The following RYR2 variants were observed in gnomAD, a reference collection of about 807,000 sequenced individuals.
RYR2 encodes the protein cardiac muscle ryanodine receptor-calcium release channel.
RYR2 carries 227 observed loss-of-function variants against 601.1 expected under a neutral mutation model. That is an observed-to-expected ratio of 0.38 (90% CI 0.34 to 0.42). The LOEUF (loss-of-function observed/expected upper bound fraction) is 0.42. RYR2 is among the 10% of genes least tolerant of loss of function. The pLI is 1.00. For synonymous variants in RYR2, 2,223 were observed against 2,175.1 expected, an observed-to-expected ratio of 1.02 and a Z score of -0.61; for missense variants, 4,646 against 6,156.5, an observed-to-expected ratio of 0.75 and a Z score of 8.21.
At chr1:237,639,483 T>G (rs1325788378) in intron 46 of RYR2, among the ~76,000 whole-genome samples, 1 of 152,038 alleles carries the variant, frequency 6.6e-6, no homozygotes, top group African/African-American at 2.4e-5. Flanking sequence ...TAGGGCAAGG[T>G]GGGTTGTTGT....
At chr1:237,145,103 A>G (rs1177239298) in intron 1 of RYR2, among the ~76,000 whole-genome samples, 5 of 152,098 alleles carry the variant, frequency 3.3e-5, no homozygotes, top group African/African-American at 1.2e-4. Context: ...ATAGCATTAG[A>G]AGAAATACCT....
At chr1:237,576,364 A>C (rs1196168089) in intron 29 of RYR2, among the ~76,000 whole-genome samples, 9 of 152,206 alleles carry the variant, frequency 5.9e-5, no homozygotes, top group Admixed American at 5.9e-4. Context: ...TTGTGAAGCT[A>C]TAGTCATTAA....
chr1:237,068,393 G>A (rs1385111974), intron 1 of RYR2, among the ~76,000 whole-genome samples: 2 of 152,076 alleles, frequency 1.3e-5, no homozygotes, highest in Non-Finnish European at 2.9e-5. Flanking sequence ...TTCTTGGCAT[G>A]GCTCAAGAAC....
intron 24 of RYR2, among the ~76,000 whole-genome samples, chr1:237,517,128 C>T (rs1666624962): frequency 6.6e-6 from 1 of 152,154 alleles, no homozygotes; most frequent in Non-Finnish European, 1.5e-5. Flanking sequence ...CCTTATGTTC[C>T]AGCCCTCATG....
intron 1 of RYR2, among the ~76,000 whole-genome samples, chr1:237,184,637 T>G (rs752257650): frequency 1.3e-5 from 2 of 152,180 alleles, no homozygotes; most frequent in Non-Finnish European, 2.9e-5. Flanking sequence ...GGACTTTAGC[T>G]ATACTGAAGT....
chr1:237,674,824 C>T lies in RYR2; in HGVS notation c.8808C>T (p.Ala2936=), dbSNP rs1213761983. 2 of 1,607,168 alleles carry T rather than the reference C, an allele frequency of 1.2e-6. No homozygotes were observed. Among genetic ancestry groups the T allele is most frequent in the South Asian group, 2.2e-5 (2 of 90,630 alleles). ...AACTCATTCGCTATGTGGATGAAGCCCATCAGTATATCCTGGAGTTTGGTA... is the reference window on the plus strand; with the variant it reads ...AACTCATTCGCTATGTGGATGAAGCTCATCAGTATATCCTGGAGTTTGGTA... ...LQQLIRYVDE[A]HQYILEFDGG... Residue 2936 remains alanine, a synonymous_variant, in exon 60 of 105, where the codon GCC becomes GCT. Transcript: ENST00000366574.
intron 1 of RYR2, among the ~76,000 whole-genome samples, chr1:237,244,792 C>G (rs986255246): frequency 1.6e-5 from 2 of 124,498 alleles, no homozygotes; most frequent in Admixed American, 8.9e-5. Flanking sequence ...CAATGAGCCC[C>G]GGGTATTTAC....
At position 237,808,905 on chromosome 1, in the gene RYR2, T is replaced by C; in HGVS notation, c.14303T>C (p.Val4768Ala). ...SSVTHNGKQL[V>A]LTVGLLAVVV... ...CCTTGTCACATTGTTTTCCAGCTCGTATTAACCGTTGGCTTATTAGCTGTT... is the reference window on the plus strand; with the variant it reads ...CCTTGTCACATTGTTTTCCAGCTCGCATTAACCGTTGGCTTATTAGCTGTT... The change falls in exon 100 of 105, where the codon GTA becomes GCA. Residue 4768 changes from valine to alanine, a missense_variant. By Grantham distance (64) the Val-to-Ala change is moderately conservative. Transcript: ENST00000366574. 1 of 1,613,708 alleles carries C rather than the reference T, an allele frequency of 6.2e-7. No individual in the cohort carries two copies. The highest frequency in any genetic ancestry group is 8.5e-7 in the Non-Finnish European group (1 of 1,179,684).
rs866850519 is a variant in RYR2 at position 237,716,354 on chromosome 1, T to G, written c.10324-844T>G. 9.9e-5 allele frequency among the ~76,000 whole-genome samples: 15 copies of G among 152,250 alleles called. No individual in the cohort carries two copies. In the Middle Eastern group the frequency reaches 0.01, roughly 104 times the overall value. On this transcript the variant is annotated intron_variant, in intron 71 of 104. Transcript: ENST00000366574. ...ATATTTATAAATATTAAAATATTTT[T>G]CATTATCATTTCATTATCACGAAAC...
At chr1:237,280,523 T>C (rs1243037618) in intron 2 of RYR2, among the ~76,000 whole-genome samples, 1 of 152,176 alleles carries the variant, frequency 6.6e-6, no homozygotes, top group Non-Finnish European at 1.5e-5. Context: ...GTTTCAGTTA[T>C]ATAATATTTA....
intron 17 of RYR2, among the ~76,000 whole-genome samples, chr1:237,481,933 C>G (rs554829633): frequency 1.4e-5 from 2 of 147,926 alleles, no homozygotes; most frequent in Non-Finnish European, 3.0e-5. Flanking sequence ...GCATGTTTTT[C>G]TTTTTTCATG....
At chr1:237,584,979 G>C (rs10925465) in intron 29 of RYR2, among the ~76,000 whole-genome samples, 74,642 of 151,476 alleles carry the variant, frequency 0.49, 18,860 homozygotes, top group South Asian at 0.66. Context: ...GGGCTCAAGC[G>C]AGCCTCCTGC....
intron 2 of RYR2, among the ~76,000 whole-genome samples, chr1:237,311,913 C>T (rs1327646741): frequency 6.6e-6 from 1 of 152,170 alleles, no homozygotes; most frequent in Non-Finnish European, 1.5e-5. Context: ...TTATCACATG[C>T]TATATTGCAG....
At chr1:237,577,538 G>GTA (rs1315068619) in intron 29 of RYR2, among the ~76,000 whole-genome samples, 1 of 37,028 alleles carries the variant, frequency 2.7e-5, no homozygotes, top group Non-Finnish European at 6.8e-5. Flanking sequence ...GTGTGTGTGC[G>GTA]TGTGTGTGTG....
chr1:237,589,717 C>A, intron 29 of RYR2, 76 bp from the exon 30 acceptor site: 1 of 1,432,274 alleles, frequency 7.0e-7, no homozygotes, highest in Non-Finnish European at 9.6e-7. Flanking sequence ...GGTCCTGGAA[C>A]AATATGTTTG....
chr1:237,067,228 C>T (rs766850462), intron 1 of RYR2, among the ~76,000 whole-genome samples: 3 of 151,996 alleles, frequency 2.0e-5, no homozygotes, highest in African/African-American at 7.3e-5. Context: ...CTTTGCCAAG[C>T]TCTTGGTCTT....
At position 237,590,072 on chromosome 1, in the gene RYR2, TCTG is replaced by T. The variant is rs922006287; in HGVS notation, c.3807+74_3807+76del. On this transcript the variant is annotated intron_variant, in intron 30 of 104. Coordinates refer to ENST00000366574, the MANE Select transcript of RYR2 (RefSeq NM_001035.3). ...AAGAATATCTTTATACAAAGGAACT[TCTG>T]CTTAGACAATTATTATGACTTACTT... 5 of 1,335,856 alleles carry T rather than the reference TCTG, an allele frequency of 3.7e-6. No individual in the cohort carries two copies. The African/African-American group carries it at 5.9e-5, about 16-fold the overall frequency. 82.8% of individuals were successfully genotyped at this position (1,335,856 alleles called of 1,614,324 possible).
chr1:237,464,656 G>A (rs903656752), intron 16 of RYR2, among the ~76,000 whole-genome samples: 2 of 152,020 alleles, frequency 1.3e-5, no homozygotes, highest in South Asian at 4.2e-4. Flanking sequence ...CATTCTCTAA[G>A]AAATTTCTAA....
chr1:237,330,888 C>T lies in RYR2; in HGVS notation c.179C>T (p.Pro60Leu). The T allele has an allele frequency of 6.2e-7, 1 of 1,613,906 alleles. No homozygotes were observed. The highest frequency in any genetic ancestry group is 8.5e-7 in the Non-Finnish European group (1 of 1,179,818). The change falls in exon 3 of 105, where the codon CCA (proline) becomes CTA (leucine). Residue 60 changes from proline (P) to leucine (L), a missense_variant. By Grantham distance (98) the Pro-to-Leu change is moderately conservative. Coordinates refer to ENST00000366574, the MANE Select transcript of RYR2 (RefSeq NM_001035.3). ...CCTCTTTCTGTGCAGAATGTGCCCC[C>T]AGACCTCTCCATCTGCACCTTTGTG... Reference protein sequence around the residue: ...ESTSNSKNVPPDLSICTFVLE... With the variant: ...ESTSNSKNVPLDLSICTFVLE...
Sources: allele counts gnomAD v4.1 joint callset (sites outside exome capture counted in the v4.1 genomes callset), GRCh38; gene constraint gnomAD v4.1.1; transcripts MANE v1.5; gene names NCBI Gene and HGNC (gene_info 2026-07-23, HGNC 2026-07-21).